The following WDR17 variants were observed in gnomAD, a reference collection of about 807,000 sequenced individuals.
The protein encoded by WDR17 is WD repeat-containing protein 17.
Under a neutral mutation model 161.7 loss-of-function variants are expected in WDR17, and 143 were observed. The ratio of observed to expected loss-of-function variants is 0.88; its 90% CI spans 0.77 to 1.02. The LOEUF is 1.02. Among genes scored for constraint, WDR17 ranks in the 50% least tolerant of loss-of-function variants. WDR17 has a pLI of 0.00. For synonymous variants in WDR17, 517 were observed against 515.6 expected (o/e 1.00, Z -0.04); for missense variants, 1,469 against 1,520.9 (o/e 0.97, Z 0.57).
chr4:176,143,603 C>A (rs1301558620), intron 11 of WDR17, among the ~76,000 whole-genome samples: 3 of 152,066 alleles, frequency 2.0e-5, no homozygotes, highest in Non-Finnish European at 4.4e-5. Context: ...GGGTTGAGCC[C>A]AGGAGGTCGA....
chr4:176,149,991 T>C lies in WDR17; in HGVS notation c.2047+35T>C, dbSNP rs569092562. 1.9e-6 allele frequency: 3 copies of C among 1,609,908 alleles called. No individual in the cohort carries two copies. The East Asian group carries it at 6.7e-5, about 36-fold the overall frequency. On this transcript the variant is annotated intron_variant, in intron 14 of 28. Coordinates refer to ENST00000508596, the MANE Select transcript of WDR17 (RefSeq NM_181265.4). ...ATATACATGTATTAGAGTTTATTTC[T>C]AAATAAGTTTTATGAGAAATCTTTT... is the stretch of plus-strand genomic sequence containing the variant.
intron 4 of WDR17, among the ~76,000 whole-genome samples, chr4:176,120,764 C>A (rs1451918919): frequency 6.6e-6 from 1 of 151,358 alleles, no homozygotes; most frequent in Non-Finnish European, 1.5e-5. Context: ...ATGTATGTGA[C>A]TTCTGGCTGG....
At chr4:176,080,571 A>C (rs894838826) in intron 1 of WDR17, among the ~76,000 whole-genome samples, 1 of 152,156 alleles carries the variant, frequency 6.6e-6, no homozygotes, top group Non-Finnish European at 1.5e-5. Context: ...CGTGGCAGCT[A>C]CTGCTGCTAA....
rs1561210504 is a variant in WDR17, at chr4:176,167,658, A to AAAAAAC, written c.2991-1009_2991-1008insCAAAAA. 4.3e-5 allele frequency among the ~76,000 whole-genome samples: 3 copies of AAAAAAC among 69,620 alleles called. 1 individual carries two copies. Among genetic ancestry groups the AAAAAAC allele is most frequent in the African/African-American group, 8.8e-5 (2 of 22,630 alleles). The allele number at this position is 69,620 out of a possible 152,430, so 45.7% of individuals were successfully genotyped here. On this transcript the variant is annotated intron_variant, in intron 22 of 28. Coordinates refer to ENST00000508596, the MANE Select transcript of WDR17 (RefSeq NM_181265.4). ...AGACTCCGTCTCAAAAAAAAAAAAAAAAAAAAAAAAAAAACAATATCTTGA... is the reference window on the plus strand; with the variant it reads ...AGACTCCGTCTCAAAAAAAAAAAAAAAAAAACAAAAAAAAAAAAAACAATATCTTGA...
In WDR17 at chr4:176,120,068, T is replaced by C. The variant is rs762060959; in HGVS notation, c.509T>C (p.Ile170Thr). The C allele has an allele frequency of 1.1e-4, 178 of 1,613,876 alleles. No individual in the cohort carries two copies. The highest frequency in any genetic ancestry group is 8.3e-4 in the Middle Eastern group (5 of 6,060). Reference protein sequence around the residue: ...HQKGKVVFGHIDGSLSIFHPG... With the variant: ...HQKGKVVFGHTDGSLSIFHPG... ...AAGGGGAAAGTTGTGTTTGGTCATA[T>C]TGATGGAAGTCTATCAATTTTTCAT... Residue 170 changes from isoleucine to threonine, a missense_variant, in exon 4 of 29, where the codon ATT becomes ACT. By Grantham distance (89) the Ile-to-Thr change is moderately conservative. Coordinates refer to ENST00000508596, the MANE Select transcript of WDR17 (RefSeq NM_181265.4).
rs1746817722 is a variant in WDR17, at chr4:176,149,808, T to C, written c.1899T>C (p.Gly633=). 6.2e-6 allele frequency: 10 copies of C among 1,612,000 alleles called. No homozygotes were observed. Among genetic ancestry groups the C allele is most frequent in the Non-Finnish European group, 8.5e-6 (10 of 1,179,584 alleles). ...AAAATAGGTTTTTATTTTCATCAGG[T>C]TTAACCTGCCATCCCAGTCGCCCCT... The part of the protein sequence containing the change: ...TVYDHGADVY[G]LTCHPSRPFT... The change falls in exon 14 of 29, where the codon GGT becomes GGC. Residue 633 remains glycine (G), a splice_region_variant and synonymous_variant. Transcript: ENST00000508596.
At chr4:176,157,891 A>G (rs781622288) in intron 18 of WDR17, among the ~76,000 whole-genome samples, 2 of 152,174 alleles carry the variant, frequency 1.3e-5, no homozygotes, top group African/African-American at 4.8e-5. Flanking sequence ...TAAAGAATAC[A>G]TAGGACATAA....
At chr4:176,142,816 T>TA (rs1464484663) in intron 11 of WDR17, among the ~76,000 whole-genome samples, 13 of 152,224 alleles carry the variant, frequency 8.5e-5, no homozygotes, top group Non-Finnish European at 1.9e-4. Flanking sequence ...ATCACACGTT[T>TA]TACAAAATGA....
chr4:176,098,643 T>C (rs1737282855), intron 1 of WDR17, among the ~76,000 whole-genome samples: 2 of 152,048 alleles, frequency 1.3e-5, no homozygotes, highest in African/African-American at 4.8e-5. Context: ...TAATGAAGAC[T>C]GAATAATTAT....
intron 1 of WDR17, among the ~76,000 whole-genome samples, chr4:176,072,893 T>G (rs1035608172): frequency 9.2e-5 from 14 of 152,196 alleles, no homozygotes; most frequent in Non-Finnish European, 1.6e-4. Context: ...TATAAAACGC[T>G]GACCTTTTAA....
intron 1 of WDR17, among the ~76,000 whole-genome samples, chr4:176,095,575 A>G (rs1736720936): frequency 6.6e-6 from 1 of 152,004 alleles, no homozygotes; most frequent in Admixed American, 6.6e-5. Context: ...GAAACACTCA[A>G]ATTACAAACA....
At chr4:176,142,927 T>A (rs1408221140) in intron 11 of WDR17, among the ~76,000 whole-genome samples, 1 of 152,172 alleles carries the variant, frequency 6.6e-6, no homozygotes, top group Non-Finnish European at 1.5e-5. Context: ...CTGCCCAGGC[T>A]AGAGTGCAAT....
Position 176,156,115 on chromosome 4 carries a change from G to A in WDR17, c.2497G>A (p.Val833Met). ...KALSIAPGVS[V>M]KYWKKLMQRR... Reference sequence around the variant, plus strand: ...CCTGTCAATTGCACCAGGAGTCTCTGTGAAATACTGGAAGAAGTTAATGCA... The same window carrying A: ...CCTGTCAATTGCACCAGGAGTCTCTATGAAATACTGGAAGAAGTTAATGCA... Residue 833 changes from valine (V) to methionine (M), a missense_variant, in exon 18 of 29, where the codon GTG becomes ATG. Val to Met is a conservative substitution (Grantham distance 21, BLOSUM62 1). Transcript: ENST00000508596. 1.9e-6 allele frequency: 3 copies of A among 1,613,678 alleles called. No homozygotes were observed. The highest frequency in any genetic ancestry group is 1.7e-6 in the Non-Finnish European group (2 of 1,179,788).
intron 25 of WDR17, among the ~76,000 whole-genome samples, chr4:176,174,286 G>A (rs1309292999): frequency 6.6e-6 from 1 of 151,966 alleles, no homozygotes; most frequent in African/African-American, 2.4e-5. Context: ...GAGTCTACAC[G>A]GTATTCCAGG....
At chr4:176,179,375 T>C in intron 28 of WDR17, 85 bp from the exon 29 acceptor site, 1 of 1,275,762 alleles carries the variant, frequency 7.8e-7, no homozygotes, top group African/African-American at 1.5e-5. Context: ...TTTTTTTTTA[T>C]TGCAGTGATT....
intron 1 of WDR17, among the ~76,000 whole-genome samples, chr4:176,071,983 G>A (rs995056696): frequency 6.6e-6 from 1 of 152,092 alleles, no homozygotes; most frequent in African/African-American, 2.4e-5. Context: ...ATTCATACTG[G>A]TATAAGTGGT....
At chr4:176,089,435 T>C (rs1161713442) in intron 1 of WDR17, among the ~76,000 whole-genome samples, 1 of 152,196 alleles carries the variant, frequency 6.6e-6, no homozygotes, top group African/African-American at 2.4e-5. Flanking sequence ...ACAATTTTGA[T>C]CCCCAGTTTA....
chr4:176,141,935 T>G (rs780505666), intron 10 of WDR17, 48 bp from the exon 11 acceptor site: 1 of 1,330,736 alleles, frequency 7.5e-7, no homozygotes, highest in South Asian at 1.4e-5. Context: ...CCTTGAATAA[T>G]GTATTTAGAG....
intron 10 of WDR17, 105 bp downstream of exon 10, chr4:176,140,079 C>G (rs1745015105): frequency 3.3e-6 from 3 of 896,552 alleles, no homozygotes; most frequent in Non-Finnish European, 4.9e-6. Flanking sequence ...ACAGCTCTAC[C>G]AACTCTCAGA....
Sources: gnomAD v4.1 joint callset for allele counts (sites outside exome capture counted in the v4.1 genomes callset) on GRCh38, gnomAD v4.1.1 for gene constraint, MANE v1.5 for transcripts, NCBI Gene and HGNC (gene_info 2026-07-23, HGNC 2026-07-21) for gene names.